MAST4: variants seen among roughly 807,000 people sequenced by gnomAD.
MAST4 encodes microtubule-associated serine/threonine-protein kinase 4.
In MAST4, 89 loss-of-function variants were observed where a neutral mutation model predicts 162.7. That is an observed-to-expected ratio of 0.55 (90% CI 0.46 to 0.65). The LOEUF is 0.65. Among genes scored for constraint, MAST4 ranks in the 30% least tolerant of loss-of-function variants. The pLI is 0.00. For missense variants in MAST4, 3,153 were observed against 3,374.0 expected (o/e 0.93, Z 1.62); for synonymous variants, 1,479 against 1,361.1 (o/e 1.09, Z -1.91).
intron 5 of MAST4, among the ~76,000 whole-genome samples, chr5:67,077,146 T>G (rs1288470686): frequency 6.6e-6 from 1 of 152,200 alleles, no homozygotes; most frequent in Non-Finnish European, 1.5e-5. Context: ...CCCCAGAGAT[T>G]TTGATACAGA....
At chr5:67,005,847 C>A (rs1361259594) in intron 4 of MAST4, among the ~76,000 whole-genome samples, 10 of 152,174 alleles carry the variant, frequency 6.6e-5, no homozygotes, top group Admixed American at 4.6e-4. Flanking sequence ...AGGGGCACAC[C>A]TTTTGAGTTG....
rs6868522 is a variant in MAST4, at chr5:66,890,836, G to A, written c.643-9115G>A. Among the ~76,000 whole-genome samples the A allele has an allele frequency of 5.4e-3, 823 of 152,292 alleles. 7 individuals are homozygous for A. Among genetic ancestry groups the A allele is most frequent in the African/African-American group, 0.019 (785 of 41,560 alleles). On this transcript the variant is annotated intron_variant, in intron 3 of 28. Coordinates refer to ENST00000403625, the MANE Select transcript of MAST4 (RefSeq NM_001164664.2). ...TCTATGACCTTGTGTGAGTTACTTA[G>A]CCTGTGTGTGCCTCAGTTCTCTCAT...
chr5:66,983,011 T>G (rs1001939667), intron 4 of MAST4, among the ~76,000 whole-genome samples: 1 of 152,246 alleles, frequency 6.6e-6, no homozygotes, highest in Admixed American at 6.5e-5. Flanking sequence ...ATTGAGCACA[T>G]AGCATTTATA....
At chr5:66,643,206 C>A (rs1745600644) in intron 1 of MAST4, among the ~76,000 whole-genome samples, 1 of 152,088 alleles carries the variant, frequency 6.6e-6, no homozygotes, top group African/African-American at 2.4e-5. Flanking sequence ...TTTGTGTTTG[C>A]CTCCCATAAA....
intron 1 of MAST4, among the ~76,000 whole-genome samples, chr5:66,708,522 A>G (rs1283604373): frequency 1.3e-5 from 2 of 152,050 alleles, no homozygotes; most frequent in African/African-American, 4.8e-5. Context: ...TTAAAAAGGA[A>G]AGTAGTACCT....
chr5:67,002,963 C>T (rs1010617510), intron 4 of MAST4, among the ~76,000 whole-genome samples: 7 of 149,252 alleles, frequency 4.7e-5, no homozygotes, highest in Admixed American at 6.8e-5. Context: ...TCTAGTAGGT[C>T]GAGGTCAGCA....
chr5:66,650,746 C>T (rs1746165797), intron 1 of MAST4, among the ~76,000 whole-genome samples: 1 of 152,172 alleles, frequency 6.6e-6, no homozygotes, highest in Non-Finnish European at 1.5e-5. Flanking sequence ...TACTCCAGAA[C>T]ATCACTGGGT....
At chr5:66,965,888 A>G (rs1020074844) in intron 4 of MAST4, among the ~76,000 whole-genome samples, 1 of 152,218 alleles carries the variant, frequency 6.6e-6, no homozygotes, top group South Asian at 2.1e-4. Flanking sequence ...GAGGAAACGT[A>G]CCTTATCAAT....
At chr5:67,032,331 A>G (rs1176696470) in intron 4 of MAST4, among the ~76,000 whole-genome samples, 1 of 152,146 alleles carries the variant, frequency 6.6e-6, no homozygotes, top group African/African-American at 2.4e-5. Context: ...GGGTTTTATT[A>G]TGACTAAACT....
rs60589477 is a variant in MAST4 at position 66,808,858 on chromosome 5, C to G, written c.642+20064C>G. On this transcript the variant is annotated intron_variant, in intron 3 of 28. Coordinates refer to ENST00000403625, the MANE Select transcript of MAST4 (RefSeq NM_001164664.2). ...GGAGGCACCTGTGTTCTACTGGAGGCGGTGCATGTGTCCCAGACCAGCCTT... is the reference window on the plus strand; with the variant it reads ...GGAGGCACCTGTGTTCTACTGGAGGGGGTGCATGTGTCCCAGACCAGCCTT... 2.6e-5 allele frequency among the ~76,000 whole-genome samples: 4 copies of G among 152,282 alleles called. No homozygotes were observed. In the South Asian group the frequency reaches 6.2e-4, roughly 24 times the overall value.
intron 4 of MAST4, among the ~76,000 whole-genome samples, chr5:67,015,514 A>G (rs960168791): frequency 6.6e-6 from 1 of 152,202 alleles, no homozygotes; most frequent in African/African-American, 2.4e-5. Flanking sequence ...TAAGGCTATT[A>G]GACAAAAGTA....
intron 1 of MAST4, among the ~76,000 whole-genome samples, chr5:66,739,756 C>T (rs1183448214): frequency 6.6e-6 from 1 of 151,830 alleles, no homozygotes; most frequent in South Asian, 2.1e-4. Context: ...TATGTTTTCC[C>T]ATGGCAAATG....
In MAST4 at chr5:67,165,726, G is replaced by C. The variant is rs1201302736; in HGVS notation, c.6547G>C (p.Val2183Leu). 3.2e-6 allele frequency: 5 copies of C among 1,577,168 alleles called. No individual in the cohort carries two copies. The highest frequency in any genetic ancestry group is 2.6e-6 in the Non-Finnish European group (3 of 1,162,568). The part of the protein sequence containing the change: ...SSSPQDPPKP[V>L]AAHSESSSHK... ...GAGCCCCCAGGACCCTCCCAAGCCTGTTGCTGCGCACAGTGAAAGCAGCAG... is the reference window on the plus strand; with the variant it reads ...GAGCCCCCAGGACCCTCCCAAGCCTCTTGCTGCGCACAGTGAAAGCAGCAG... The change falls in exon 29 of 29, where the codon GTT becomes CTT. Residue 2183 changes from valine to leucine, a missense_variant. Val to Leu is a conservative substitution (Grantham distance 32). Transcript: ENST00000403625.
intron 26 of MAST4, among the ~76,000 whole-genome samples, chr5:67,156,015 C>T (rs1381985714): frequency 1.3e-5 from 2 of 149,312 alleles, no homozygotes; most frequent in African/African-American, 5.0e-5. Context: ...GCCAAGATAG[C>T]GCCACTGCAC....
chr5:66,620,901 A>G (rs1244147307), intron 1 of MAST4, among the ~76,000 whole-genome samples: 1 of 152,150 alleles, frequency 6.6e-6, no homozygotes, highest in Non-Finnish European at 1.5e-5. Flanking sequence ...GGTGCATTCT[A>G]AGTAAAAGAG....
intron 1 of MAST4, among the ~76,000 whole-genome samples, chr5:66,711,842 C>T (rs539204546): frequency 6.6e-6 from 1 of 151,970 alleles, no homozygotes. Flanking sequence ...CCCCCACCCC[C>T]CAAAAAAAGA....
At chr5:67,162,986 G>C (rs1773384786) in intron 28 of MAST4, among the ~76,000 whole-genome samples, 161 bp from the exon 29 acceptor site, 1 of 152,138 alleles carries the variant, frequency 6.6e-6, no homozygotes, top group Non-Finnish European at 1.5e-5. Flanking sequence ...GCTAAACCTT[G>C]GCCTGGAGAG....
At chr5:67,016,202 C>T (rs1378684666) in intron 4 of MAST4, among the ~76,000 whole-genome samples, 3 of 152,088 alleles carry the variant, frequency 2.0e-5, no homozygotes, top group Admixed American at 6.6e-5. Flanking sequence ...ATTTAATCCT[C>T]ACAACAATTC....
intron 2 of MAST4, among the ~76,000 whole-genome samples, chr5:66,772,764 A>G (rs1188377060): frequency 1.3e-5 from 2 of 152,216 alleles, no homozygotes; most frequent in Non-Finnish European, 2.9e-5. Flanking sequence ...ACTTCTAAGT[A>G]GCCTTCATTG....
Sources: gnomAD v4.1 joint callset for allele counts (sites outside exome capture counted in the v4.1 genomes callset) on GRCh38, gnomAD v4.1.1 for gene constraint, MANE v1.5 for transcripts, NCBI Gene and HGNC (gene_info 2026-07-23, HGNC 2026-07-21) for gene names.